The following WDR89 variants were observed in gnomAD, a reference collection of about 807,000 sequenced individuals.
WDR89 encodes WD repeat-containing protein 89.
WDR89 carries 17 observed loss-of-function variants against 29.1 expected under a neutral mutation model. The ratio of observed to expected loss-of-function variants is 0.58; its 90% confidence interval spans 0.40 to 0.88. The LOEUF is 0.88. Ranked by LOEUF, WDR89 falls within the 40% of genes least tolerant of loss-of-function variation. The pLI is 0.00. For synonymous variants in WDR89, 138 were observed against 157.8 expected (o/e 0.87, Z 0.94); for missense variants, 396 against 456.3 (o/e 0.87, Z 1.20).
chr14:63,601,430 A>T, intron 2 of WDR89: 1 of 895,874 alleles, frequency 1.1e-6, no homozygotes, highest in Non-Finnish European at 1.8e-6. Flanking sequence ...GTTCAAGGCC[A>T]GAAAAACATG....
At chr14:63,614,102 A>G (rs1405641936) in intron 2 of WDR89, among the ~76,000 whole-genome samples, 3 of 152,012 alleles carry the variant, frequency 2.0e-5, no homozygotes, top group Non-Finnish European at 4.4e-5. Context: ...ATTAATTCCT[A>G]TACTATACTG....
In WDR89 at chr14:63,624,077, G is replaced by T. The variant is rs1398417446; in HGVS notation, c.-32+851C>A. The stretch of plus-strand genomic sequence containing the variant: ...GAAAAAAGGGAATCTATGACCTTTG[G>T]TTAGGCAAAGATCTCTTAAAACACA... On this transcript the variant is annotated intron_variant, in intron 2 of 2. Coordinates refer to ENST00000620954, the MANE Select transcript of WDR89 (RefSeq NM_080666.4). Among the ~76,000 whole-genome samples the T allele has an allele frequency of 3.9e-5, 6 of 152,264 alleles. No homozygotes were observed. In the South Asian group the frequency reaches 1.0e-3, roughly 26 times the overall value.
At chr14:63,638,098 T>C (rs1351660290) in intron 1 of WDR89, among the ~76,000 whole-genome samples, 1 of 152,002 alleles carries the variant, frequency 6.6e-6, no homozygotes, top group Non-Finnish European at 1.5e-5. Flanking sequence ...GCACGCACCA[T>C]CATCCCCGGC....
intron 2 of WDR89, among the ~76,000 whole-genome samples, chr14:63,618,875 T>C (rs1471194923): frequency 6.6e-6 from 1 of 152,136 alleles, no homozygotes; most frequent in Non-Finnish European, 1.5e-5. Flanking sequence ...GACTTCTCAA[T>C]AGCAACCCTC....
At chr14:63,624,046 A>G (rs535456907) in intron 2 of WDR89, among the ~76,000 whole-genome samples, 5 of 152,330 alleles carry the variant, frequency 3.3e-5, no homozygotes, top group Admixed American at 3.3e-4. Context: ...TACAAAACTT[A>G]TAAGAGAAAA....
rs558359491 is a variant in WDR89 at position 63,604,615 on chromosome 14, GAAT to G, written c.-31-4645_-31-4643del. ...CTTCACTCCAATAATTAAGAATTTA[GAAT>G]AATGGCACCATATTTATATGTATCT... On this transcript the variant is annotated intron_variant, in intron 2 of 2. Transcript: ENST00000620954. Among the ~76,000 whole-genome samples, 5 of 152,120 alleles carry G rather than the reference GAAT, an allele frequency of 3.3e-5. No homozygotes were observed. In the South Asian group the frequency reaches 6.2e-4, roughly 19 times the overall value.
chr14:63,606,746 G>A (rs1266602726), intron 2 of WDR89, among the ~76,000 whole-genome samples: 4 of 152,150 alleles, frequency 2.6e-5, no homozygotes, highest in East Asian at 1.9e-4. Context: ...CTATGTGCTC[G>A]AAACTTCTAT....
chr14:63,606,249 G>A, intron 2 of WDR89, among the ~76,000 whole-genome samples: 1 of 151,068 alleles, frequency 6.6e-6, no homozygotes, highest in African/African-American at 2.5e-5. Flanking sequence ...TCCCCAGCCT[G>A]TGTCTCAATT....
At chr14:63,639,903 G>T (rs10131475) in intron 1 of WDR89, among the ~76,000 whole-genome samples, 280 of 152,282 alleles carry the variant, frequency 1.8e-3, no homozygotes, top group African/African-American at 6.5e-3. Flanking sequence ...GATCACTTGA[G>T]CTCAGAAGTT....
intron 1 of WDR89, among the ~76,000 whole-genome samples, chr14:63,638,779 A>G (rs1340409344): frequency 1.3e-5 from 2 of 152,230 alleles, no homozygotes; most frequent in African/African-American, 2.4e-5. Flanking sequence ...TTTTTCTCTT[A>G]TAGTCCCTGT....
At chr14:63,604,924 G>A (rs910824219) in intron 2 of WDR89, among the ~76,000 whole-genome samples, 12 of 152,236 alleles carry the variant, frequency 7.9e-5, no homozygotes, top group Admixed American at 5.2e-4. Flanking sequence ...CAGCCAGGCA[G>A]ATCACTTTAG....
intron 1 of WDR89, among the ~76,000 whole-genome samples, chr14:63,635,430 C>T (rs1595041144): frequency 6.6e-6 from 1 of 152,114 alleles, no homozygotes; most frequent in Non-Finnish European, 1.5e-5. Context: ...ATCCAGCATC[C>T]CTTTATGATT....
At chr14:63,605,327 G>A (rs999642643) in intron 2 of WDR89, among the ~76,000 whole-genome samples, 1 of 151,884 alleles carries the variant, frequency 6.6e-6, no homozygotes, top group Admixed American at 6.6e-5. Flanking sequence ...GGTGATGCGT[G>A]TATAAACAAA....
At position 63,599,885 on chromosome 14, in the gene WDR89, T is replaced by C; in HGVS notation, c.58A>G (p.Thr20Ala). 6.2e-7 allele frequency: 1 copy of C among 1,613,710 alleles called. No individual in the cohort carries two copies. The highest frequency in any genetic ancestry group is 1.3e-5 in the African/African-American group (1 of 75,016). Reference sequence around the variant, plus strand: ...CCAAGAAGGTAAGTGGGCTCTTTGGTTCCTAAGGAACATTTAACAATGTGC... The same window carrying C: ...CCAAGAAGGTAAGTGGGCTCTTTGGCTCCTAAGGAACATTTAACAATGTGC... ...NLHIVKCSLG[T>A]KEPTYLLGID... Residue 20 changes from threonine (T) to alanine (A), a missense_variant, in exon 3 of 3, where the codon ACC becomes GCC. By Grantham distance (58) the Thr-to-Ala change is moderately conservative. Transcript: ENST00000620954.
At chr14:63,626,800 T>TG (rs1333907464) in intron 1 of WDR89, among the ~76,000 whole-genome samples, 1 of 148,688 alleles carries the variant, frequency 6.7e-6, no homozygotes, top group African/African-American at 2.5e-5. Context: ...TCAAGGCTGA[T>TG]GGGGTGTCAG....
At chr14:63,634,569 T>C (rs10150009) in intron 1 of WDR89, among the ~76,000 whole-genome samples, 11,535 of 149,602 alleles carry the variant, frequency 0.077, 799 homozygotes, top group African/African-American at 0.19. Flanking sequence ...GGGAAATAGA[T>C]AGCTTAAAGA....
At chr14:63,637,983 T>G (rs1244296183) in intron 1 of WDR89, among the ~76,000 whole-genome samples, 1 of 152,044 alleles carries the variant, frequency 6.6e-6, no homozygotes, top group Non-Finnish European at 1.5e-5. Context: ...CCTCGCTCTG[T>G]TACCCAGGCT....
At position 63,628,609 on chromosome 14, in the gene WDR89, G is replaced by A. The variant is rs1883213668; in HGVS notation, c.-137-3576C>T. On this transcript the variant is annotated intron_variant, in intron 1 of 2. Transcript: ENST00000620954. ...TAAAAAGTGAGCAATGCAAATCTCT[G>A]GAGAAGTAGCTGTGATCCTAGCAAT... Among the ~76,000 whole-genome samples the A allele has an allele frequency of 2.0e-5, 3 of 152,152 alleles. No individual in the cohort carries two copies. In the South Asian group the frequency reaches 6.2e-4, roughly 31 times the overall value.
At chr14:63,603,763 A>T (rs1187047939) in intron 2 of WDR89, among the ~76,000 whole-genome samples, 3 of 152,176 alleles carry the variant, frequency 2.0e-5, no homozygotes, top group Non-Finnish European at 4.4e-5. Context: ...AGCATTAGGT[A>T]GCTCTAAAAA....
Sources: gnomAD v4.1 joint callset for allele counts (sites outside exome capture counted in the v4.1 genomes callset) on GRCh38, gnomAD v4.1.1 for gene constraint, MANE v1.5 for transcripts, NCBI Gene and HGNC (gene_info 2026-07-23, HGNC 2026-07-21) for gene names.